The following GLIS3 variants were observed in gnomAD, a reference collection of about 807,000 sequenced individuals.
GLIS3 encodes the protein GLIS family zinc finger 3.
GLIS3 carries 53 observed loss-of-function variants against 78.6 expected under a neutral mutation model. The observed-to-expected ratio is 0.67, with a 90% confidence interval of 0.54 to 0.85. GLIS3 has a LOEUF of 0.85. GLIS3 is among the 40% of genes least tolerant of loss of function. The pLI is 0.00. For synonymous variants in GLIS3, 684 were observed against 509.9 expected, an observed-to-expected ratio of 1.34 and a Z score of -4.60; for missense variants, 1,703 against 1,231.1, an observed-to-expected ratio of 1.38 and a Z score of -5.74.
chr9:4,418,373 T>G, the GLIS3 span, among the ~76,000 whole-genome samples: 9 of 152,108 alleles, frequency 5.9e-5, no homozygotes, highest in African/African-American at 2.2e-4. Context: ...CCCAAATGGG[T>G]AGGTTAAAAT....
intron 4 of GLIS3, among the ~76,000 whole-genome samples, chr9:4,029,040 T>G (rs1331529654): frequency 6.6e-6 from 1 of 152,158 alleles, no homozygotes; most frequent in Admixed American, 6.5e-5. Flanking sequence ...GAAGGAGGTG[T>G]ATTTTGTAGA....
intron 2 of GLIS3, among the ~76,000 whole-genome samples, chr9:4,335,978 A>G (rs1194586950): frequency 6.6e-6 from 1 of 152,212 alleles, no homozygotes; most frequent in African/African-American, 2.4e-5. Flanking sequence ...ATGAAGAAGA[A>G]AGGGCAGGGA....
chr9:4,334,750 G>T lies in GLIS3; in HGVS notation n.264+12331C>A, dbSNP rs371421508. On this transcript the variant is annotated intron_variant and non_coding_transcript_variant, in intron 2 of 4. Coordinates refer to the GLIS3 transcript ENST00000471664. ...AGCATTCATTCTCACACACAAAGGT[G>T]CTACAGAAGGCCACTTACAGCGAAC... 2.1e-4 allele frequency among the ~76,000 whole-genome samples: 32 copies of T among 152,242 alleles called. No individual in the cohort carries two copies. In the East Asian group the frequency reaches 2.9e-3, roughly 14 times the overall value.
chr9:3,862,449 C>T (rs911028779), intron 8 of GLIS3, among the ~76,000 whole-genome samples: 13 of 152,266 alleles, frequency 8.5e-5, no homozygotes, highest in Non-Finnish European at 1.5e-5. Flanking sequence ...GTCTTTCTAA[C>T]TAGATAACTT....
intron 2 of GLIS3, among the ~76,000 whole-genome samples, chr9:4,313,916 G>C (rs984424805): frequency 3.3e-5 from 5 of 152,144 alleles, no homozygotes; most frequent in Admixed American, 6.5e-5. Context: ...CTCAATATTT[G>C]TTAAAAATAT....
At chr9:4,285,780 T>G (rs948470832) in intron 2 of GLIS3, 33 of 495,036 alleles carry the variant, frequency 6.7e-5, no homozygotes, top group Middle Eastern at 6.6e-4. Context: ...TGCCTCCCTA[T>G]TTTTTATCTT....
chr9:4,434,964 A>C, the GLIS3 span, among the ~76,000 whole-genome samples: 5 of 152,236 alleles, frequency 3.3e-5, no homozygotes, highest in Non-Finnish European at 5.9e-5. Context: ...TATACTCAAG[A>C]AATAAAACAA....
intron 8 of GLIS3, among the ~76,000 whole-genome samples, chr9:3,864,011 G>C (rs1186693313): frequency 6.6e-6 from 1 of 152,134 alleles, no homozygotes; most frequent in Admixed American, 6.5e-5. Flanking sequence ...TCAGTTGTTT[G>C]TCTATTTCAG....
chr9:4,186,267 C>T (rs1280218565), intron 2 of GLIS3, among the ~76,000 whole-genome samples: 6 of 151,034 alleles, frequency 4.0e-5, no homozygotes, highest in East Asian at 2.0e-4. Flanking sequence ...TTTGTCCTTG[C>T]GATACTTTAC....
chr9:4,453,922 A>G, the GLIS3 span, among the ~76,000 whole-genome samples: 1 of 152,112 alleles, frequency 6.6e-6, no homozygotes, highest in African/African-American at 2.4e-5. Context: ...GGTGCAGCAA[A>G]CCAACATGGC....
intron 4 of GLIS3, among the ~76,000 whole-genome samples, chr9:4,308,004 C>G (rs904723976): frequency 2.6e-5 from 4 of 152,148 alleles, no homozygotes; most frequent in African/African-American, 9.7e-5. Flanking sequence ...CAACTTTCCT[C>G]TCTCCCTTCT....
intron 5 of GLIS3, among the ~76,000 whole-genome samples, chr9:3,933,902 A>C (rs541921889): frequency 7.9e-5 from 12 of 152,296 alleles, no homozygotes; most frequent in African/African-American, 2.9e-4. Context: ...ATATAATTTA[A>C]TTTGACATAC....
At chr9:4,307,714 G>A (rs1817264514) in intron 4 of GLIS3, among the ~76,000 whole-genome samples, 1 of 152,130 alleles carries the variant, frequency 6.6e-6, no homozygotes, top group Non-Finnish European at 1.5e-5. Flanking sequence ...AATGTGATAG[G>A]GAAGCAGAAG....
intron 4 of GLIS3, among the ~76,000 whole-genome samples, chr9:4,053,851 C>A (rs1427242928): frequency 1.3e-5 from 2 of 152,176 alleles, no homozygotes; most frequent in African/African-American, 4.8e-5. Flanking sequence ...TAAAGCTCTG[C>A]CTTTCTTTAT....
intron 2 of GLIS3, among the ~76,000 whole-genome samples, chr9:4,226,898 C>T (rs1192551104): frequency 6.6e-6 from 1 of 152,178 alleles, no homozygotes; most frequent in East Asian, 1.9e-4. Flanking sequence ...TCCTGGAAAA[C>T]TGACCCATCC....
chr9:3,937,272 T>C, intron 4 of GLIS3, 83 bp from the exon 5 acceptor site: 2 of 1,403,540 alleles, frequency 1.4e-6, no homozygotes, highest in Non-Finnish European at 2.0e-6. Flanking sequence ...AAAATGTTCT[T>C]AGTTGGTACT....
chr9:4,374,400 C>A, the GLIS3 span, among the ~76,000 whole-genome samples: 1 of 152,232 alleles, frequency 6.6e-6, no homozygotes, highest in Non-Finnish European at 1.5e-5. Context: ...GAAACTTCCA[C>A]CTTATAGCAT....
chr9:4,398,270 A>T, the GLIS3 span, among the ~76,000 whole-genome samples: 1 of 152,000 alleles, frequency 6.6e-6, no homozygotes, highest in Non-Finnish European at 1.5e-5. Context: ...GTTATTTTCT[A>T]CATCCTTGAT....
chr9:3,853,196 C>A (rs1039605048), intron 9 of GLIS3, among the ~76,000 whole-genome samples: 1 of 152,170 alleles, frequency 6.6e-6, no homozygotes, highest in East Asian at 1.9e-4. Context: ...CAGAGCAAGA[C>A]CCTGTCTCTA....
Sources: allele counts gnomAD v4.1 joint callset (sites outside exome capture counted in the v4.1 genomes callset), GRCh38; gene constraint gnomAD v4.1.1; transcripts MANE v1.5; gene names NCBI Gene and HGNC (gene_info 2026-07-23, HGNC 2026-07-21).